STAG2: variants seen among roughly 807,000 people sequenced by gnomAD.
STAG2 encodes the protein STAG2 cohesin complex component, also known as cohesin subunit SA-2.
In STAG2, 14 loss-of-function variants were observed where a neutral mutation model predicts 108.1. The observed-to-expected ratio is 0.13, with a 90% CI of 0.09 to 0.20. The LOEUF is 0.20. Among genes scored for constraint, STAG2 ranks in the 10% least tolerant of loss-of-function variants. STAG2 has a pLI of 1.00. For missense variants in STAG2, 440 were observed against 940.9 expected (o/e 0.47, Z 6.96); for synonymous variants, 307 against 302.7 (o/e 1.01, Z -0.15).
chrX:124,054,225 A>G (rs931521711), intron 13 of STAG2, among the ~76,000 whole-genome samples: 2 of 112,428 alleles, frequency 1.8e-5, no homozygotes, highest in African/African-American at 3.2e-5. Context: ...GCATATCACT[A>G]GAGGAAGAAT....
intron 1 of STAG2, among the ~76,000 whole-genome samples, chrX:124,010,013 A>G (rs1412183284): frequency 9.0e-6 from 1 of 111,462 alleles, no homozygotes; most frequent in African/African-American, 3.3e-5. Context: ...GTTATATGGT[A>G]TGTGGTATGC....
Position 124,047,476 on chromosome X carries a change from C to T in STAG2, c.790C>T (p.Leu264=), listed in dbSNP as rs764760268. Reference sequence around the variant, plus strand: ...GATTGGAAAACGAGCCAATGAGAGGCTAGAACTCCTGCTACAAAAGCGGAA... The same window carrying T: ...GATTGGAAAACGAGCCAATGAGAGGTTAGAACTCCTGCTACAAAAGCGGAA... ...KMIGKRANER[L]ELLLQKRKEL... The change falls in exon 9 of 35, where the codon CTA becomes TTA. Residue 264 remains leucine (L), a synonymous_variant. Coordinates refer to ENST00000371145, the MANE Select transcript of STAG2 (RefSeq NM_001042750.2). 1.7e-6 allele frequency: 2 copies of T among 1,207,025 alleles called. No individual in the cohort carries two copies. The highest frequency in any genetic ancestry group is 2.2e-6 in the Non-Finnish European group (2 of 893,739).
chrX:124,085,007 A>G (rs1416865439), intron 29 of STAG2, among the ~76,000 whole-genome samples: 1 of 112,140 alleles, frequency 8.9e-6, no homozygotes, highest in Non-Finnish European at 1.9e-5. Context: ...TACATGCACA[A>G]GGAGACCGAT....
chrX:123,970,149 G>A (rs1285465455), intron 1 of STAG2, among the ~76,000 whole-genome samples: 1 of 108,589 alleles, frequency 9.2e-6, no homozygotes, highest in Non-Finnish European at 1.9e-5. Flanking sequence ...TAACATGTAG[G>A]AAATACTTTT....
chrX:124,050,408 C>A, intron 11 of STAG2, 99 bp downstream of exon 11: 1 of 893,668 alleles, frequency 1.1e-6, no homozygotes, highest in Non-Finnish European at 1.5e-6. Flanking sequence ...CCTGGTGACA[C>A]ATTTCTGGAA....
At chrX:123,981,556 G>T (rs1393738767) in intron 1 of STAG2, among the ~76,000 whole-genome samples, 1 of 111,772 alleles carries the variant, frequency 8.9e-6, no homozygotes, top group Non-Finnish European at 1.9e-5. Flanking sequence ...TCAGTTGACA[G>T]ATGCTTGGGT....
intron 15 of STAG2, 54 bp downstream of exon 15, chrX:124,058,031 G>A (rs2148280781): frequency 1.4e-6 from 1 of 700,032 alleles, no homozygotes; most frequent in Non-Finnish European, 2.1e-6. Context: ...TGGAAAAGGG[G>A]TTAAAATGAG....
intron 1 of STAG2, among the ~76,000 whole-genome samples, chrX:123,971,870 G>A (rs893111963): frequency 1.5e-4 from 17 of 112,203 alleles, no homozygotes; most frequent in African/African-American, 5.5e-4. Context: ...AAAGAAAAAG[G>A]TCCAGTTTAG....
chrX:123,988,971 C>T (rs2055321780), intron 1 of STAG2, among the ~76,000 whole-genome samples: 1 of 111,246 alleles, frequency 9.0e-6, no homozygotes, highest in South Asian at 3.9e-4. Flanking sequence ...ACCACCTTCT[C>T]CCCTCAGCCC....
intron 1 of STAG2, among the ~76,000 whole-genome samples, chrX:123,982,734 CTTTTT>C (rs1220083705): frequency 3.6e-5 from 2 of 55,127 alleles, no homozygotes; most frequent in African/African-American, 1.3e-4. Flanking sequence ...ACACTTTAGT[CTTTTT>C]TTTTTTTTTT....
chrX:123,991,039 GCTTTCAGTGTA>G (rs1397489612), intron 1 of STAG2, among the ~76,000 whole-genome samples: 1 of 112,161 alleles, frequency 8.9e-6, no homozygotes, highest in Non-Finnish European at 1.9e-5. Context: ...ATGCCAGTGT[GCTTTCAGTGTA>G]CCCTATAGTA....
intron 1 of STAG2, among the ~76,000 whole-genome samples, chrX:123,996,612 T>C (rs2055748499): frequency 8.9e-6 from 1 of 111,826 alleles, no homozygotes; most frequent in African/African-American, 3.3e-5. Context: ...TTTTTTTTGC[T>C]CTTTCCAGAC....
intron 8 of STAG2, 129 bp from the exon 9 acceptor site, chrX:124,047,225 A>C: frequency 2.1e-6 from 1 of 482,893 alleles, no homozygotes; most frequent in Non-Finnish European, 3.4e-6. Flanking sequence ...TGTCATTTGT[A>C]GCAGCTGCAT....
At chrX:124,059,664 A>T (rs779539085) in intron 15 of STAG2, among the ~76,000 whole-genome samples, 2 of 110,760 alleles carry the variant, frequency 1.8e-5, no homozygotes, top group Non-Finnish European at 3.8e-5. Context: ...TATTTTATTT[A>T]TTTTATTTTT....
Position 124,063,208 on chromosome X carries a change from A to C in STAG2, c.1821+3A>C. ...ATACCACTGGACGATTAGAAAAGGT[A>C]AGATTATTTTGTGTAAAAAAAACCT... On this transcript the variant is annotated splice_donor_region_variant and intron_variant, in intron 19 of 34. Coordinates refer to ENST00000371145, the MANE Select transcript of STAG2 (RefSeq NM_001042750.2). The C allele has an allele frequency of 8.6e-7, 1 of 1,166,215 alleles. No individual in the cohort carries two copies. Among genetic ancestry groups the C allele is most frequent in the Non-Finnish European group, 1.2e-6 (1 of 864,412 alleles).
chrX:124,035,460 T>A (rs2057487270), intron 5 of STAG2, among the ~76,000 whole-genome samples: 3 of 111,940 alleles, frequency 2.7e-5, no homozygotes, highest in Non-Finnish European at 5.6e-5. Flanking sequence ...TTGTTCCAGT[T>A]ATCTATTGAT....
intron 1 of STAG2, among the ~76,000 whole-genome samples, chrX:123,975,328 C>T (rs1384261754): frequency 8.9e-6 from 1 of 112,245 alleles, no homozygotes; most frequent in African/African-American, 3.2e-5. Context: ...GTCCAAAAGA[C>T]ATTCCTCAGA....
intron 17 of STAG2, 122 bp downstream of exon 17, chrX:124,061,996 T>C: frequency 1.7e-6 from 1 of 572,149 alleles, no homozygotes; most frequent in South Asian, 3.6e-5. Context: ...CCTTTGCTTA[T>C]AAATTTGTTA....
chrX:124,053,562 C>G (rs762004273), intron 13 of STAG2, among the ~76,000 whole-genome samples: 1 of 110,378 alleles, frequency 9.1e-6, no homozygotes, highest in East Asian at 2.8e-4. Flanking sequence ...GAGGACTAGC[C>G]CAATGTATTT....
Sources: gnomAD v4.1 joint callset for allele counts (sites outside exome capture counted in the v4.1 genomes callset) on GRCh38, gnomAD v4.1.1 for gene constraint, MANE v1.5 for transcripts, NCBI Gene and HGNC (gene_info 2026-07-23, HGNC 2026-07-21) for gene names.